The following PCDHGC3 variants were observed in gnomAD, a reference collection of about 807,000 sequenced individuals.
The protein encoded by PCDHGC3 is protocadherin gamma-C3.
A neutral mutation model predicts 59.2 loss-of-function variants in PCDHGC3; 26 were observed. The observed-to-expected ratio is 0.44, with a 90% CI of 0.32 to 0.61. The LOEUF (loss-of-function observed/expected upper bound fraction) is 0.61. Ranked by LOEUF, PCDHGC3 falls within the 20% of genes least tolerant of loss-of-function variation. The pLI, the probability that PCDHGC3 is intolerant of heterozygous loss-of-function variation, is 0.05. For synonymous variants in PCDHGC3, 487 were observed against 519.7 expected (o/e 0.94, Z 0.86); for missense variants, 1,080 against 1,221.8 (o/e 0.88, Z 1.73).
At chr5:141,504,961 G>A (rs995382728) in intron 2 of PCDHGC3, among the ~76,000 whole-genome samples, 2 of 151,928 alleles carry the variant, frequency 1.3e-5, no homozygotes, top group Non-Finnish European at 2.9e-5. Flanking sequence ...TCAATGCATT[G>A]GACCAGCCTG....
chr5:141,504,206 A>C (rs1209911822), intron 2 of PCDHGC3, among the ~76,000 whole-genome samples: 1 of 152,218 alleles, frequency 6.6e-6, no homozygotes, highest in East Asian at 1.9e-4. Context: ...CTGTGGGAAA[A>C]TTCCAAGTAG....
chr5:141,489,246 G>A lies in PCDHGC3; in HGVS notation c.2431-5561G>A, dbSNP rs141115698. On this transcript the variant is annotated intron_variant, in intron 1 of 3. Coordinates refer to ENST00000308177, the MANE Select transcript of PCDHGC3 (RefSeq NM_002588.4). The surrounding 1 kb of genome is among the most constrained non-coding windows in gnomAD (Gnocchi z 4.5). Reference sequence around the variant, plus strand: ...CACAAAGGGACTTCTGGGTCATGGGGCCCAAGACACTCCCACAGCTCGCTG... The same window carrying A: ...CACAAAGGGACTTCTGGGTCATGGGACCCAAGACACTCCCACAGCTCGCTG... 750 of 1,544,746 alleles carry A rather than the reference G, an allele frequency of 4.9e-4. No homozygotes were observed. The highest frequency in any genetic ancestry group is 6.3e-4 in the Non-Finnish European group (726 of 1,145,538).
intron 1 of PCDHGC3, chr5:141,484,911 T>G (rs2154580253): frequency 9.3e-6 from 4 of 432,018 alleles, no homozygotes; most frequent in South Asian, 3.3e-5. Context: ...CTGCGACGCA[T>G]TAACCCTGCT....
At chr5:141,510,518 G>A (rs904482737) in intron 3 of PCDHGC3, among the ~76,000 whole-genome samples, 9 of 152,112 alleles carry the variant, frequency 5.9e-5, no homozygotes, top group Non-Finnish European at 1.0e-4. Flanking sequence ...CCGTGTCACA[G>A]CCCTGAGAGA....
chr5:141,486,030 C>A lies in PCDHGC3; in HGVS notation c.2430+7484C>A. The A allele has an allele frequency of 6.2e-7, 1 of 1,614,164 alleles. No homozygotes were observed. The highest frequency in any genetic ancestry group is 8.5e-7 in the Non-Finnish European group (1 of 1,180,012). ...ACCTTTTATTTCAGTGGTCATACCC[C>A]TGATCGTGTAAGAAACCTCTTTAGC... On this transcript the variant is annotated intron_variant, in intron 1 of 3. Coordinates refer to ENST00000308177, the MANE Select transcript of PCDHGC3 (RefSeq NM_002588.4). The surrounding 1 kb of genome is among the most constrained non-coding windows in gnomAD (Gnocchi z 5.0).
chr5:141,497,740 C>G (rs954595046), intron 2 of PCDHGC3, among the ~76,000 whole-genome samples: 9 of 152,054 alleles, frequency 5.9e-5, no homozygotes, highest in African/African-American at 2.2e-4. Context: ...GGTTTCGCCA[C>G]GTTGGCCAGG....
Position 141,485,959 on chromosome 5 carries a change from C to A in PCDHGC3, c.2430+7413C>A, listed in dbSNP as rs758835557. The A allele has an allele frequency of 6.2e-7, 1 of 1,614,160 alleles. No homozygotes were observed. The highest frequency in any genetic ancestry group is 1.3e-5 in the African/African-American group (1 of 75,054). Reference sequence around the variant, plus strand: ...GCGCACCAGCGGGCATGGTGCTCATCCAGCTCAATGCCTCAGACCCGGACC... The same window carrying A: ...GCGCACCAGCGGGCATGGTGCTCATACAGCTCAATGCCTCAGACCCGGACC... On this transcript the variant is annotated intron_variant, in intron 1 of 3. Coordinates refer to ENST00000308177, the MANE Select transcript of PCDHGC3 (RefSeq NM_002588.4). The surrounding 1 kb of genome is among the most constrained non-coding windows in gnomAD (Gnocchi z 5.7).
At chr5:141,501,329 ACACAC>A (rs1562200854) in intron 2 of PCDHGC3, among the ~76,000 whole-genome samples, 2 of 148,226 alleles carry the variant, frequency 1.3e-5, no homozygotes, top group Non-Finnish European at 3.0e-5. Flanking sequence ...ACACACACAC[ACACAC>A]CCCAAACTCA....
Position 141,487,070 on chromosome 5 carries a change from C to A in PCDHGC3, c.2431-7737C>A, listed in dbSNP as rs1365482479. The A allele has an allele frequency of 6.2e-7, 1 of 1,614,036 alleles. No individual in the cohort carries two copies. The highest frequency in any genetic ancestry group is 8.5e-7 in the Non-Finnish European group (1 of 1,180,016). ...TGCTGGGGAGGTGCGGACGGCTGTT[C>A]CTATCCCAGCTGACCTCCCACCACA... is the stretch of plus-strand genomic sequence containing the variant. On this transcript the variant is annotated intron_variant, in intron 1 of 3. Coordinates refer to ENST00000308177, the MANE Select transcript of PCDHGC3 (RefSeq NM_002588.4). The surrounding 1 kb of genome is among the most constrained non-coding windows in gnomAD (Gnocchi z 5.0).
chr5:141,495,384 C>A (rs2099760896), intron 2 of PCDHGC3, among the ~76,000 whole-genome samples: 1 of 152,190 alleles, frequency 6.6e-6, no homozygotes, highest in African/African-American at 2.4e-5. Flanking sequence ...AAGGACTGGG[C>A]GGGGCATGGA....
chr5:141,487,512 C>T lies in PCDHGC3; in HGVS notation c.2431-7295C>T, dbSNP rs372606253. The stretch of plus-strand genomic sequence containing the variant: ...TGTACACCCTTGGCTTCTGCACCCA[C>T]TCGGAGTGATAGCTTCATGATGGTG... On this transcript the variant is annotated intron_variant, in intron 1 of 3. Transcript: ENST00000308177. This position sits in a 1 kb window ranked among gnomAD's most constrained non-coding sequence, Gnocchi z 5.0. 3.7e-6 allele frequency: 6 copies of T among 1,614,082 alleles called. No homozygotes were observed. The highest frequency in any genetic ancestry group is 5.1e-6 in the Non-Finnish European group (6 of 1,180,044).
intron 2 of PCDHGC3, among the ~76,000 whole-genome samples, chr5:141,505,050 T>C (rs1190927211): frequency 2.0e-5 from 3 of 152,130 alleles, no homozygotes; most frequent in Non-Finnish European, 4.4e-5. Context: ...TCATCCCAGC[T>C]ACTTGGGAGA....
chr5:141,481,427 T>C lies in PCDHGC3; in HGVS notation c.2430+2881T>C, dbSNP rs79272909. Reference sequence around the variant, plus strand: ...TTGTATAATTAGATTGTGATGATGATTGTATCAGTTTAGTACATGTAAATA... The same window carrying C: ...TTGTATAATTAGATTGTGATGATGACTGTATCAGTTTAGTACATGTAAATA... On this transcript the variant is annotated intron_variant, in intron 1 of 3. Transcript: ENST00000308177. Among the ~76,000 whole-genome samples the C allele has an allele frequency of 6.0e-3, 907 of 152,334 alleles. 5 individuals are homozygous for C. Among genetic ancestry groups the C allele is most frequent in the African/African-American group, 0.02 (840 of 41,578 alleles).
Position 141,494,880 on chromosome 5 carries a change from C to T in PCDHGC3, c.2489+15C>T. On this transcript the variant is annotated intron_variant, in intron 2 of 3. Transcript: ENST00000308177. ...GGCACCAGCGGGTAGGTGACTGATT[C>T]TCCAGCCCACCCTCTTCTCTGCGGC... 3 of 1,614,158 alleles carry T rather than the reference C, an allele frequency of 1.9e-6. No homozygotes were observed. Among genetic ancestry groups the T allele is most frequent in the Non-Finnish European group, 1.7e-6 (2 of 1,180,012 alleles).
At chr5:141,510,910 A>T (rs780792326) in intron 3 of PCDHGC3, 37 bp from the exon 4 acceptor site, 1 of 1,613,740 alleles carries the variant, frequency 6.2e-7, no homozygotes, top group East Asian at 2.2e-5. Flanking sequence ...GAGGACCCTA[A>T]GTTTAGCTCC....
At position 141,487,769 on chromosome 5, in the gene PCDHGC3, T is replaced by C. The variant is rs775270506; in HGVS notation, c.2431-7038T>C. Reference sequence around the variant, plus strand: ...TAACTATGTGGTAGACGCTGTGCTTTGTAACTGTTTCGTGAATTAACCAGA... The same window carrying C: ...TAACTATGTGGTAGACGCTGTGCTTCGTAACTGTTTCGTGAATTAACCAGA... On this transcript the variant is annotated intron_variant, in intron 1 of 3. Transcript: ENST00000308177. The surrounding 1 kb of genome is among the most constrained non-coding windows in gnomAD (Gnocchi z 5.0). 8 of 1,538,288 alleles carry C rather than the reference T, an allele frequency of 5.2e-6. No homozygotes were observed. The highest frequency in any genetic ancestry group is 1.2e-5 in the South Asian group (1 of 82,608).
intron 3 of PCDHGC3, among the ~76,000 whole-genome samples, chr5:141,507,803 G>GAC (rs2099863701): frequency 6.6e-6 from 1 of 152,228 alleles, no homozygotes; most frequent in Admixed American, 6.5e-5. Flanking sequence ...CCTGCGCCCT[G>GAC]GGGAACGGAC....
chr5:141,477,042 G>A lies in PCDHGC3; in HGVS notation c.926G>A (p.Arg309Gln). ...ACCGGGATGCTGACAATCAAGGGTC[G>A]GCTGGACTTCGAGGACACCAAACTC... ...LVTGMLTIKG[R>Q]LDFEDTKLHE... The change falls in exon 1 of 4, where the codon CGG becomes CAG. Residue 309 changes from arginine (R) to glutamine (Q), a missense_variant. By Grantham distance (43) the Arg-to-Gln change is conservative. Transcript: ENST00000308177. This position sits in a 1 kb window ranked among gnomAD's most constrained non-coding sequence, Gnocchi z 4.9. 1 of 1,614,238 alleles carries A rather than the reference G, an allele frequency of 6.2e-7. No homozygotes were observed. Among genetic ancestry groups the A allele is most frequent in the Non-Finnish European group, 8.5e-7 (1 of 1,180,040 alleles).
Position 141,477,545 on chromosome 5 carries a change from C to T in PCDHGC3, c.1429C>T (p.Leu477=). The T allele has an allele frequency of 6.2e-7, 1 of 1,614,194 alleles. No individual in the cohort carries two copies. Among genetic ancestry groups the T allele is most frequent in the South Asian group, 1.1e-5 (1 of 91,086 alleles). The change falls in exon 1 of 4, where the codon CTA becomes TTA. Residue 477 remains leucine (L), a synonymous_variant. Coordinates refer to ENST00000308177, the MANE Select transcript of PCDHGC3 (RefSeq NM_002588.4). The surrounding 1 kb of genome is among the most constrained non-coding windows in gnomAD (Gnocchi z 4.9). ...AAACAACCTCCCCGGGGCTCCAATA[C>T]TAAACCTAAGTGTCTGGGACCCCGA... The part of the protein sequence containing the change: ...EENNLPGAPI[L]NLSVWDPDAP...
Sources: gnomAD v4.1 joint callset for allele counts (sites outside exome capture counted in the v4.1 genomes callset) on GRCh38, gnomAD v4.1.1 for gene constraint, Gnocchi (gnomAD v3.1) non-coding constraint, MANE v1.5 for transcripts, NCBI Gene and HGNC (gene_info 2026-07-23, HGNC 2026-07-21) for gene names.